Variants in SLC20A2 observed in about 807,000 individuals in gnomAD.
SLC20A2 encodes sodium-dependent phosphate transporter 2.
Under a neutral mutation model 61.0 loss-of-function variants are expected in SLC20A2, and 30 were observed. That is an observed-to-expected ratio of 0.49 (90% CI 0.37 to 0.67). The LOEUF (loss-of-function observed/expected upper bound fraction) is 0.67. Among genes scored for constraint, SLC20A2 ranks in the 30% least tolerant of loss-of-function variants. The pLI, the probability that SLC20A2 is intolerant of heterozygous loss-of-function variation, is 0.00. For synonymous variants in SLC20A2, 351 were observed against 353.3 expected, an observed-to-expected ratio of 0.99 and a Z score of 0.07; for missense variants, 626 against 866.4, an observed-to-expected ratio of 0.72 and a Z score of 3.48.
intron 1 of SLC20A2, among the ~76,000 whole-genome samples, chr8:42,483,294 C>T (rs753245983): frequency 3.3e-5 from 5 of 152,038 alleles, no homozygotes; most frequent in Non-Finnish European, 5.9e-5. Flanking sequence ...TTGGTTGAAC[C>T]CAGGAGGCAG....
chr8:42,490,833 C>G (rs1809454373), intron 1 of SLC20A2, among the ~76,000 whole-genome samples: 1 of 152,202 alleles, frequency 6.6e-6, no homozygotes, highest in African/African-American at 2.4e-5. Flanking sequence ...CAGTGATTCC[C>G]TCTTCCTGTG....
intron 6 of SLC20A2, among the ~76,000 whole-genome samples, chr8:42,440,670 C>A (rs1804702535): frequency 6.6e-6 from 1 of 152,152 alleles, no homozygotes; most frequent in South Asian, 2.1e-4. Context: ...CAAGTGCTAG[C>A]CATATAAGAA....
chr8:42,485,861 G>A (rs1199855047), intron 1 of SLC20A2, among the ~76,000 whole-genome samples: 4 of 151,296 alleles, frequency 2.6e-5, no homozygotes, highest in Admixed American at 6.6e-5. Context: ...CAGGAGAATC[G>A]CTTGAACCCG....
At chr8:42,507,378 T>TA (rs1235137433) in intron 1 of SLC20A2, among the ~76,000 whole-genome samples, 10,268 of 133,324 alleles carry the variant, frequency 0.077, 875 homozygotes, top group African/African-American at 0.22. Flanking sequence ...CCTCTTCAGC[T>TA]AAAAAAAAAA....
Position 42,530,214 on chromosome 8 carries a change from G to A in SLC20A2, c.-265+11607C>T, listed in dbSNP as rs545144838. Reference sequence around the variant, plus strand: ...ATATTTTAAAGAGCTGATAATTTAGGAAGATAATAAACCATAAACAAAATT... The same window carrying A: ...ATATTTTAAAGAGCTGATAATTTAGAAAGATAATAAACCATAAACAAAATT... On this transcript the variant is annotated intron_variant, in intron 1 of 10. Transcript: ENST00000342228. Among the ~76,000 whole-genome samples the A allele has an allele frequency of 8.5e-5, 13 of 152,166 alleles. No homozygotes were observed. In the South Asian group the frequency reaches 2.3e-3, roughly 27 times the overall value.
At chr8:42,462,446 CAAAAG>C (rs1806786991) in intron 4 of SLC20A2, among the ~76,000 whole-genome samples, 1 of 152,182 alleles carries the variant, frequency 6.6e-6, no homozygotes, top group South Asian at 2.1e-4. Context: ...GACTGCCAAA[CAAAAG>C]AAGATAGCCA....
intron 3 of SLC20A2, among the ~76,000 whole-genome samples, chr8:42,465,135 G>A (rs373522664): frequency 1.3e-5 from 2 of 151,772 alleles, no homozygotes; most frequent in South Asian, 2.1e-4. Context: ...CCGGCTCACT[G>A]CAAACTCTGC....
intron 1 of SLC20A2, among the ~76,000 whole-genome samples, chr8:42,481,436 T>C (rs1314478402): frequency 6.6e-6 from 1 of 152,018 alleles, no homozygotes; most frequent in Non-Finnish European, 1.5e-5. Context: ...CAGGCCCTGA[T>C]GATAGGAGGT....
chr8:42,461,236 C>T (rs1806673582), intron 4 of SLC20A2, among the ~76,000 whole-genome samples: 1 of 152,140 alleles, frequency 6.6e-6, no homozygotes, highest in Admixed American at 6.5e-5. Flanking sequence ...ATGAGTGACA[C>T]AGCCAGCTAT....
intron 1 of SLC20A2, chr8:42,484,727 C>T (rs1168421594): frequency 1.1e-5 from 4 of 367,846 alleles, no homozygotes; most frequent in South Asian, 2.5e-5. Flanking sequence ...GGCTGGCAGC[C>T]ACCATGATCC....
intron 10 of SLC20A2, among the ~76,000 whole-genome samples, chr8:42,427,170 CT>C (rs1449939283): frequency 6.6e-6 from 1 of 152,250 alleles, no homozygotes; most frequent in African/African-American, 2.4e-5. Context: ...GGAGCCTCAG[CT>C]GGGCTGCTCC....
chr8:42,475,127 T>G (rs1807964979), intron 1 of SLC20A2, among the ~76,000 whole-genome samples: 1 of 151,556 alleles, frequency 6.6e-6, no homozygotes, highest in Non-Finnish European at 1.5e-5. Flanking sequence ...TTTTCCTTTT[T>G]TTTGCTCTGT....
At chr8:42,476,084 CTTTTTTTTTTTTTTTTTT>C (rs11350697) in intron 1 of SLC20A2, among the ~76,000 whole-genome samples, 1 of 42,058 alleles carries the variant, frequency 2.4e-5, no homozygotes, top group Non-Finnish European at 4.5e-5. Flanking sequence ...TTTACTGTGT[CTTTTTTTTTTTTTTTTTT>C]TTTTTTTTTT....
intron 10 of SLC20A2, among the ~76,000 whole-genome samples, chr8:42,422,449 A>C (rs1381478407): frequency 1.3e-5 from 2 of 152,184 alleles, no homozygotes; most frequent in Non-Finnish European, 2.9e-5. Context: ...ATTTTAAATT[A>C]GGTTTGGTAT....
intron 1 of SLC20A2, among the ~76,000 whole-genome samples, chr8:42,495,257 G>A (rs1038184061): frequency 2.0e-5 from 3 of 152,154 alleles, no homozygotes; most frequent in African/African-American, 7.2e-5. Context: ...TGACTATTTA[G>A]TAATTCCTCT....
At chr8:42,447,737 A>T (rs1805340943) in intron 5 of SLC20A2, among the ~76,000 whole-genome samples, 1 of 152,224 alleles carries the variant, frequency 6.6e-6, no homozygotes, top group Admixed American at 6.5e-5. Flanking sequence ...ATAGGTAGTT[A>T]ATACTATATA....
chr8:42,471,392 C>T (rs1287775782), intron 2 of SLC20A2, among the ~76,000 whole-genome samples: 3 of 152,218 alleles, frequency 2.0e-5, no homozygotes, highest in African/African-American at 7.2e-5. Context: ...CACACCTCCA[C>T]ACTTCATGTA....
At chr8:42,510,343 CACAA>C (rs750287238) in intron 1 of SLC20A2, among the ~76,000 whole-genome samples, 2 of 152,174 alleles carry the variant, frequency 1.3e-5, no homozygotes, top group Non-Finnish European at 2.9e-5. Flanking sequence ...CTCCACCCAT[CACAA>C]ACAAAGGCTT....
chr8:42,454,874 T>C (rs1418215210), intron 5 of SLC20A2, among the ~76,000 whole-genome samples: 1 of 151,986 alleles, frequency 6.6e-6, no homozygotes, highest in African/African-American at 2.4e-5. Context: ...CCAGCCCAGA[T>C]TTTTTATATT....
Sources: gnomAD v4.1 joint callset for allele counts (sites outside exome capture counted in the v4.1 genomes callset) on GRCh38, gnomAD v4.1.1 for gene constraint, MANE v1.5 for transcripts, NCBI Gene and HGNC (gene_info 2026-07-23, HGNC 2026-07-21) for gene names.